The following DCPH1 variants were observed in gnomAD, a reference collection of about 807,000 sequenced individuals.
The protein encoded by DCPH1 is damage-control phosphatase 1.
At chr6:151,464,396 T>A in the DCPH1 span, 1 of 1,239,344 alleles carries the variant, frequency 8.1e-7, no homozygotes, top group Non-Finnish European at 1.2e-6. Context: ...TTTCAAGAAC[T>A]GCAGTTATCC....
the DCPH1 span, chr6:151,452,476 C>T: frequency 7.2e-5 from 112 of 1,558,970 alleles, no homozygotes; most frequent in Non-Finnish European, 9.3e-5. Flanking sequence ...GCTCCTCCTT[C>T]GCGGCGGTAC....
At chr6:151,452,854 T>A in the DCPH1 span, 3 of 404,400 alleles carry the variant, frequency 7.4e-6, no homozygotes, top group Non-Finnish European at 1.3e-5. Flanking sequence ...GGTCACTTTT[T>A]ATTTATTCAC....
chr6:151,458,201 GT>G, the DCPH1 span: 1 of 1,246,008 alleles, frequency 8.0e-7, no homozygotes, highest in African/African-American at 1.5e-5. Flanking sequence ...TAAATGTAAT[GT>G]TTAAAGAAAT....
At chr6:151,461,409 G>A in the DCPH1 span, among the ~76,000 whole-genome samples, 13,138 of 152,246 alleles carry the variant, frequency 0.086, 786 homozygotes, top group East Asian at 0.16. Flanking sequence ...AGTGGCTTAC[G>A]CCTGTGATCT....
At chr6:151,469,247 G>A in the DCPH1 span, 2 of 624,974 alleles carry the variant, frequency 3.2e-6, no homozygotes, top group South Asian at 5.2e-5. Flanking sequence ...GCCCATCTAC[G>A]TGCACTGGAT....
the DCPH1 span, among the ~76,000 whole-genome samples, chr6:151,459,884 C>G: frequency 6.6e-6 from 1 of 152,148 alleles, no homozygotes; most frequent in Non-Finnish European, 1.5e-5. Context: ...TCCAAAAATA[C>G]AGGTTTGTTA....
At chr6:151,468,981 C>A in the DCPH1 span, 1 of 1,614,172 alleles carries the variant, frequency 6.2e-7, no homozygotes, top group Non-Finnish European at 8.5e-7. Flanking sequence ...CACTCTGTAC[C>A]ATAAGAACAT....
At chr6:151,452,897 C>A in the DCPH1 span, 1 of 297,858 alleles carries the variant, frequency 3.4e-6, no homozygotes, top group Admixed American at 5.2e-5. Flanking sequence ...CGTTAAAATT[C>A]TGCGTAAGAG....
At chr6:151,468,894 C>T in the DCPH1 span, 1 of 1,613,906 alleles carries the variant, frequency 6.2e-7, no homozygotes, top group Non-Finnish European at 8.5e-7. Context: ...ATTTGAATTA[C>T]AGGAAGTTGA....
chr6:151,454,028 T>A, the DCPH1 span, among the ~76,000 whole-genome samples: 1 of 152,200 alleles, frequency 6.6e-6, no homozygotes, highest in East Asian at 1.9e-4. Flanking sequence ...GGAAAATTTT[T>A]GAAAATAATT....
At chr6:151,459,619 C>G in the DCPH1 span, among the ~76,000 whole-genome samples, 3 of 151,928 alleles carry the variant, frequency 2.0e-5, no homozygotes, top group African/African-American at 7.3e-5. Flanking sequence ...TGGCGAAACC[C>G]CGTCTCTACA....
the DCPH1 span, among the ~76,000 whole-genome samples, chr6:151,461,744 G>A: frequency 6.6e-6 from 1 of 152,296 alleles, no homozygotes; most frequent in East Asian, 1.9e-4. Flanking sequence ...CTGGGGTGGG[G>A]CCTGGGTATC....
At chr6:151,464,618 G>GATTTCACT in the DCPH1 span, 1 of 1,594,930 alleles carries the variant, frequency 6.3e-7, no homozygotes, top group Non-Finnish European at 8.5e-7. Context: ...AACTTCTGCA[G>GATTTCACT]GTAAATGTGA....
the DCPH1 span, among the ~76,000 whole-genome samples, chr6:151,461,987 G>T: frequency 6.6e-6 from 1 of 152,112 alleles, no homozygotes; most frequent in Non-Finnish European, 1.5e-5. Flanking sequence ...TTCTATGGGG[G>T]ATCCCTATCC....
chr6:151,454,385 C>T, the DCPH1 span, among the ~76,000 whole-genome samples: 2 of 152,186 alleles, frequency 1.3e-5, no homozygotes, highest in African/African-American at 2.4e-5. Flanking sequence ...GCGAATTTTC[C>T]AGGTTTTCTT....
chr6:151,460,783 C>CAA, the DCPH1 span, among the ~76,000 whole-genome samples: 51 of 141,224 alleles, frequency 3.6e-4, 1 homozygote, highest in South Asian at 0.011. Flanking sequence ...GACTCTGTCT[C>CAA]AAAAAAAAAA....
the DCPH1 span, among the ~76,000 whole-genome samples, chr6:151,455,407 C>T: frequency 5.2e-4 from 74 of 142,570 alleles, 1 homozygote; most frequent in Non-Finnish European, 2.7e-4. Context: ...GGTGTTTCTC[C>T]GAGAGAGGGA....
chr6:151,467,586 G>T, the DCPH1 span, among the ~76,000 whole-genome samples: 2 of 152,056 alleles, frequency 1.3e-5, no homozygotes. Context: ...TCGTTTTTCA[G>T]TTGCAGGACT....
the DCPH1 span, among the ~76,000 whole-genome samples, chr6:151,467,434 A>G: frequency 6.6e-6 from 1 of 151,628 alleles, no homozygotes; most frequent in Non-Finnish European, 1.5e-5. Context: ...CCCCATCTTT[A>G]TTAAAAAAAA....
Sources: gnomAD v4.1 joint callset for allele counts (sites outside exome capture counted in the v4.1 genomes callset) on GRCh38, gnomAD v4.1.1 for gene constraint, MANE v1.5 for transcripts, NCBI Gene and HGNC (gene_info 2026-07-23, HGNC 2026-07-21) for gene names.